The following CDH12 variants were observed in gnomAD, a reference collection of about 807,000 sequenced individuals.
The protein encoded by CDH12 is cadherin 12.
Under a neutral mutation model 74.1 loss-of-function variants are expected in CDH12, and 41 were observed. The observed-to-expected ratio is 0.55, with a 90% CI of 0.43 to 0.72. The LOEUF is 0.72. Among genes scored for constraint, CDH12 ranks in the 30% least tolerant of loss-of-function variants. The pLI is 0.00. For synonymous variants in CDH12, 399 were observed against 355.0 expected, an observed-to-expected ratio of 1.12 and a Z score of -1.39; for missense variants, 945 against 977.2, an observed-to-expected ratio of 0.97 and a Z score of 0.44.
chr5:22,516,987 A>G (rs1343838240), intron 1 of CDH12, among the ~76,000 whole-genome samples: 1 of 152,146 alleles, frequency 6.6e-6, no homozygotes. Context: ...TCAGATTACA[A>G]AAAGCTAATT....
At chr5:22,256,661 T>G (rs1003131011) in intron 3 of CDH12, among the ~76,000 whole-genome samples, 1 of 152,126 alleles carries the variant, frequency 6.6e-6, no homozygotes, top group Non-Finnish European at 1.5e-5. Context: ...TTACTAGCCT[T>G]AAAGACCTTC....
chr5:22,549,505 GA>G (rs1738472151), intron 1 of CDH12, among the ~76,000 whole-genome samples: 1 of 151,824 alleles, frequency 6.6e-6, no homozygotes, highest in African/African-American at 2.4e-5. Flanking sequence ...TACTCTTCCA[GA>G]GAGCTATTTT....
At chr5:22,043,184 G>A (rs1013438851) in intron 5 of CDH12, among the ~76,000 whole-genome samples, 17 of 152,002 alleles carry the variant, frequency 1.1e-4, no homozygotes, top group African/African-American at 3.9e-4. Flanking sequence ...AAGTACATAT[G>A]CAAAAATCCT....
chr5:22,684,680 T>C (rs370051312), intron 1 of CDH12, among the ~76,000 whole-genome samples: 2 of 152,232 alleles, frequency 1.3e-5, no homozygotes, highest in Non-Finnish European at 2.9e-5. Flanking sequence ...ACTAGAGCTA[T>C]AGCAATTGGT....
chr5:22,739,344 A>G (rs1029387258), intron 1 of CDH12, among the ~76,000 whole-genome samples: 2 of 151,140 alleles, frequency 1.3e-5, no homozygotes, highest in African/African-American at 2.4e-5. Context: ...TAAAGAAAAA[A>G]CTCTGACACT....
chr5:22,006,293 A>G (rs1305894286), intron 5 of CDH12, among the ~76,000 whole-genome samples: 1 of 152,038 alleles, frequency 6.6e-6, no homozygotes, highest in Non-Finnish European at 1.5e-5. Flanking sequence ...TGCTGGGATT[A>G]CAGGCATGAG....
chr5:22,121,608 G>A (rs1019134220), intron 4 of CDH12, among the ~76,000 whole-genome samples: 1 of 152,164 alleles, frequency 6.6e-6, no homozygotes, highest in African/African-American at 2.4e-5. Context: ...TTAACATTAA[G>A]TTTTTGTCTA....
intron 2 of CDH12, among the ~76,000 whole-genome samples, chr5:22,465,210 T>C (rs1250012173): frequency 1.3e-5 from 2 of 152,226 alleles, no homozygotes; most frequent in Non-Finnish European, 2.9e-5. Context: ...ACATATTATT[T>C]GAATTTTTTG....
chr5:22,100,614 T>A (rs1353541492), intron 4 of CDH12, among the ~76,000 whole-genome samples: 1 of 151,292 alleles, frequency 6.6e-6, no homozygotes, highest in Non-Finnish European at 1.5e-5. Flanking sequence ...CTTACCAGTG[T>A]CACTATGGCT....
chr5:21,802,589 T>TTTTC (rs1401618528), intron 9 of CDH12, among the ~76,000 whole-genome samples, 169 bp from the exon 10 acceptor site: 20 of 92,454 alleles, frequency 2.2e-4, no homozygotes, highest in Admixed American at 7.2e-4. Flanking sequence ...AACCATTTTT[T>TTTTC]TTTCTTTTTT....
chr5:22,835,334 T>A (rs941923438), intron 1 of CDH12, among the ~76,000 whole-genome samples: 13 of 152,312 alleles, frequency 8.5e-5, no homozygotes, highest in African/African-American at 2.4e-4. Context: ...TTGTAAAATA[T>A]GGAAAACTAG....
chr5:22,563,758 G>C (rs942316205), intron 1 of CDH12, among the ~76,000 whole-genome samples: 7 of 152,128 alleles, frequency 4.6e-5, no homozygotes, highest in African/African-American at 1.7e-4. Context: ...AACATGGCTG[G>C]GGAGGCCCCA....
chr5:21,904,917 C>A (rs561125046), intron 6 of CDH12, among the ~76,000 whole-genome samples: 1 of 152,274 alleles, frequency 6.6e-6, no homozygotes, highest in Admixed American at 6.6e-5. Context: ...GATGTATTAA[C>A]ACTAAGGACA....
At chr5:22,324,301 C>A (rs1366706802) in intron 3 of CDH12, among the ~76,000 whole-genome samples, 1 of 152,024 alleles carries the variant, frequency 6.6e-6, no homozygotes, top group Non-Finnish European at 1.5e-5. Flanking sequence ...ATTGGTAAAT[C>A]AGCACATATA....
chr5:22,465,972 A>G (rs1745713177), intron 2 of CDH12, among the ~76,000 whole-genome samples: 1 of 152,164 alleles, frequency 6.6e-6, no homozygotes, highest in African/African-American at 2.4e-5. Flanking sequence ...ACACTTTCTC[A>G]TCACCAGCAT....
intron 1 of CDH12, among the ~76,000 whole-genome samples, chr5:22,719,936 G>A (rs1484273180): frequency 6.6e-6 from 1 of 152,050 alleles, no homozygotes; most frequent in African/African-American, 2.4e-5. Context: ...CAGCTTCTTT[G>A]CTTCCTCCAA....
At chr5:22,799,241 A>G (rs1263938323) in intron 1 of CDH12, among the ~76,000 whole-genome samples, 1 of 152,232 alleles carries the variant, frequency 6.6e-6, no homozygotes, top group African/African-American at 2.4e-5. Context: ...TCTAAGGAGA[A>G]CAGTATTTAG....
intron 8 of CDH12, among the ~76,000 whole-genome samples, chr5:21,839,482 A>C (rs185270742): frequency 6.6e-6 from 1 of 152,184 alleles, no homozygotes; most frequent in Non-Finnish European, 1.5e-5. Flanking sequence ...CAAGCCAATT[A>C]ACATATCCAT....
At chr5:22,267,347 G>A (rs1041021898) in intron 3 of CDH12, among the ~76,000 whole-genome samples, 2 of 152,104 alleles carry the variant, frequency 1.3e-5, no homozygotes, top group Non-Finnish European at 2.9e-5. Context: ...TCTCTATCGA[G>A]CATTTTAAAA....
Sources: gnomAD v4.1 joint callset for allele counts (sites outside exome capture counted in the v4.1 genomes callset) on GRCh38, gnomAD v4.1.1 for gene constraint, MANE v1.5 for transcripts, NCBI Gene and HGNC (gene_info 2026-07-23, HGNC 2026-07-21) for gene names.